The following STPG2 variants were observed in gnomAD, a reference collection of about 807,000 sequenced individuals.
STPG2 encodes sperm-tail PG-rich repeat-containing protein 2.
A neutral mutation model predicts 54.2 loss-of-function variants in STPG2; 56 were observed. That is an observed-to-expected ratio of 1.03 (90% CI 0.83 to 1.29). The LOEUF (loss-of-function observed/expected upper bound fraction) is 1.29. Ranked by LOEUF, STPG2 falls within the 50% of genes most tolerant of loss-of-function variation. The pLI, the probability that STPG2 is intolerant of heterozygous loss-of-function variation, is 0.00. For missense variants in STPG2, 596 were observed against 544.9 expected (o/e 1.09, Z -0.93); for synonymous variants, 200 against 181.8 (o/e 1.10, Z -0.81).
At chr4:97,828,864 C>T (rs968905549) in intron 9 of STPG2, among the ~76,000 whole-genome samples, 1 of 152,140 alleles carries the variant, frequency 6.6e-6, no homozygotes, top group African/African-American at 2.4e-5. Flanking sequence ...AAAAAGGCAG[C>T]TGCCCTGGTT....
intron 10 of STPG2, among the ~76,000 whole-genome samples, chr4:97,683,694 G>A (rs181356877): frequency 7.3e-5 from 11 of 151,690 alleles, no homozygotes; most frequent in East Asian, 3.9e-4. Flanking sequence ...TGCTTTTCTC[G>A]TAAGATCAGG....
At chr4:97,527,432 A>G (rs1428309149) in intron 4 of STPG2, among the ~76,000 whole-genome samples, 2 of 152,088 alleles carry the variant, frequency 1.3e-5, no homozygotes, top group African/African-American at 2.4e-5. Flanking sequence ...CCAAGTCTTC[A>G]CTATTGCAAA....
intron 5 of STPG2, among the ~76,000 whole-genome samples, chr4:97,991,188 T>C (rs1734992873): frequency 6.6e-6 from 1 of 151,974 alleles, no homozygotes; most frequent in South Asian, 2.1e-4. Flanking sequence ...TTCACTTAGA[T>C]TAATGGTCTC....
chr4:97,906,423 A>G (rs1019431413), intron 8 of STPG2, among the ~76,000 whole-genome samples: 75 of 152,338 alleles, frequency 4.9e-4, no homozygotes, highest in African/African-American at 1.6e-3. Context: ...TCACAGCCGA[A>G]TTCTACCAGA....
intron 8 of STPG2, among the ~76,000 whole-genome samples, chr4:97,851,430 G>T (rs974187100): frequency 6.6e-5 from 10 of 152,150 alleles, no homozygotes; most frequent in Non-Finnish European, 1.5e-4. Flanking sequence ...ACTATGCCTT[G>T]AAAGTATTTT....
At chr4:97,922,716 CA>C (rs1364104658) in intron 8 of STPG2, among the ~76,000 whole-genome samples, 3 of 152,178 alleles carry the variant, frequency 2.0e-5, no homozygotes. Context: ...AGATGCTAGA[CA>C]GCATATGCAA....
At chr4:98,045,934 A>G (rs1035983540) in intron 5 of STPG2, among the ~76,000 whole-genome samples, 2 of 60,668 alleles carry the variant, frequency 3.3e-5, no homozygotes, top group African/African-American at 7.3e-5. Flanking sequence ...TTCTTTGAAT[A>G]AGCTTTCTAT....
chr4:97,725,621 A>G (rs1724598321), intron 9 of STPG2, among the ~76,000 whole-genome samples: 1 of 151,896 alleles, frequency 6.6e-6, no homozygotes, highest in African/African-American at 2.4e-5. Flanking sequence ...TAGAGTAAAA[A>G]GGCAGAGAGA....
intron 8 of STPG2, among the ~76,000 whole-genome samples, chr4:97,931,143 G>A (rs1406058243): frequency 6.6e-6 from 1 of 152,100 alleles, no homozygotes; most frequent in Non-Finnish European, 1.5e-5. Context: ...ATATAGTTTG[G>A]CTTCCTCTCT....
intron 3 of STPG2, 53 bp from the exon 4 acceptor site, chr4:98,109,358 C>T: frequency 7.4e-7 from 1 of 1,347,878 alleles, no homozygotes; most frequent in East Asian, 2.3e-5. Context: ...TTAAATAAGT[C>T]ATGAAACAAT....
At chr4:97,696,660 A>G (rs895619649) in intron 10 of STPG2, among the ~76,000 whole-genome samples, 2 of 152,226 alleles carry the variant, frequency 1.3e-5, no homozygotes, top group Non-Finnish European at 2.9e-5. Context: ...TCTACAAGGA[A>G]CTTAAAACAA....
At chr4:97,602,360 C>G (rs1343510495) in intron 10 of STPG2, among the ~76,000 whole-genome samples, 1 of 151,708 alleles carries the variant, frequency 6.6e-6, no homozygotes, top group Non-Finnish European at 1.5e-5. Flanking sequence ...TCCATCCATC[C>G]TCCTGCTCCA....
chr4:98,000,174 C>T (rs921892476), intron 5 of STPG2, among the ~76,000 whole-genome samples: 6 of 152,044 alleles, frequency 3.9e-5, no homozygotes, highest in Non-Finnish European at 7.4e-5. Flanking sequence ...AGACTGATAA[C>T]TATTCCATTT....
chr4:97,918,620 A>G (rs1731978344), intron 8 of STPG2, among the ~76,000 whole-genome samples: 1 of 152,114 alleles, frequency 6.6e-6, no homozygotes, highest in South Asian at 2.1e-4. Flanking sequence ...CACACCATGG[A>G]ATACTACTAA....
At chr4:97,907,598 T>A (rs926430432) in intron 8 of STPG2, among the ~76,000 whole-genome samples, 1 of 152,036 alleles carries the variant, frequency 6.6e-6, no homozygotes, top group Non-Finnish European at 1.5e-5. Context: ...GGAGGCATCA[T>A]GCTACCTGAC....
At chr4:97,756,355 C>T (rs1207696362) in intron 9 of STPG2, among the ~76,000 whole-genome samples, 1 of 152,090 alleles carries the variant, frequency 6.6e-6, no homozygotes, top group Non-Finnish European at 1.5e-5. Flanking sequence ...GAGTCTTGCT[C>T]TTGTTGCCCA....
intron 10 of STPG2, among the ~76,000 whole-genome samples, chr4:97,588,015 T>C (rs1466002045): frequency 1.3e-5 from 2 of 152,034 alleles, no homozygotes; most frequent in Non-Finnish European, 2.9e-5. Context: ...TGAAATTTGC[T>C]TTCTCAACTT....
At chr4:97,729,812 AATTT>A (rs1724743331) in intron 9 of STPG2, among the ~76,000 whole-genome samples, 1 of 152,290 alleles carries the variant, frequency 6.6e-6, no homozygotes, top group South Asian at 2.1e-4. Context: ...TTATAAAGCC[AATTT>A]ATTTTAAAGT....
intron 6 of STPG2, 66 bp downstream of exon 6, chr4:97,981,093 T>A (rs1434949494): frequency 6.6e-7 from 1 of 1,524,670 alleles, no homozygotes; most frequent in Non-Finnish European, 8.9e-7. Flanking sequence ...GGTGTATCCA[T>A]CTTGTTAAGA....
Sources: gnomAD v4.1 joint callset for allele counts (sites outside exome capture counted in the v4.1 genomes callset) on GRCh38, gnomAD v4.1.1 for gene constraint, MANE v1.5 for transcripts, NCBI Gene and HGNC (gene_info 2026-07-23, HGNC 2026-07-21) for gene names.